Variants in CCDC149 observed in about 807,000 individuals in gnomAD.
CCDC149 encodes the protein coiled-coil domain-containing protein 149.
CCDC149 carries 45 observed loss-of-function variants against 59.9 expected under a neutral mutation model. The ratio of observed to expected loss-of-function variants is 0.75; its 90% CI spans 0.59 to 0.96. The LOEUF is 0.96. CCDC149 is among the 40% of genes least tolerant of loss of function. The pLI, the probability that CCDC149 is intolerant of heterozygous loss-of-function variation, is 0.00. For synonymous variants in CCDC149, 245 were observed against 260.6 expected, an observed-to-expected ratio of 0.94 and a Z score of 0.58; for missense variants, 584 against 664.7, an observed-to-expected ratio of 0.88 and a Z score of 1.33.
In CCDC149 at chr4:24,808,314, C is replaced by T. The variant is rs922876369; in HGVS notation, c.*75G>A. 1.1e-5 allele frequency: 15 copies of T among 1,322,490 alleles called. No individual in the cohort carries two copies. Among genetic ancestry groups the T allele is most frequent in the Middle Eastern group, 1.9e-4 (1 of 5,220 alleles). The allele number at this position is 1,322,490 out of a possible 1,614,324, so 81.9% of individuals were successfully genotyped here. ...GTATTTCAGGAGAAGGCGACGTGAGCGCACCATTCCGATGCTTCATTCTTG... is the reference window on the plus strand; with the variant it reads ...GTATTTCAGGAGAAGGCGACGTGAGTGCACCATTCCGATGCTTCATTCTTG... On this transcript the variant is annotated 3_prime_UTR_variant, in exon 13 of 13. Transcript: ENST00000635206.
intron 4 of CCDC149, among the ~76,000 whole-genome samples, chr4:24,846,711 C>T (rs1717310284): frequency 6.6e-6 from 1 of 152,140 alleles, no homozygotes; most frequent in Non-Finnish European, 1.5e-5. Context: ...GCTGGTATAA[C>T]ATAAAGCTCA....
chr4:24,923,637 G>T (rs1223525303), intron 1 of CCDC149, among the ~76,000 whole-genome samples: 1 of 152,158 alleles, frequency 6.6e-6, no homozygotes, highest in Non-Finnish European at 1.5e-5. Context: ...AAAAGAACTT[G>T]AATGAAGATT....
intron 1 of CCDC149, among the ~76,000 whole-genome samples, chr4:24,891,358 T>A (rs1013297115): frequency 1.3e-5 from 2 of 152,202 alleles, no homozygotes. Context: ...ATAACTGTGA[T>A]GGGCTGATTA....
At chr4:24,974,236 G>A (rs1428889115) in intron 1 of CCDC149, among the ~76,000 whole-genome samples, 2 of 152,294 alleles carry the variant, frequency 1.3e-5, no homozygotes. Flanking sequence ...AGACTCACAA[G>A]CTTAGGAGAG....
At chr4:24,828,263 C>T (rs1299067405) in intron 9 of CCDC149, 8 of 109,254 alleles carry the variant, frequency 7.3e-5, no homozygotes, top group Non-Finnish European at 1.5e-4. Context: ...AAATGAATAC[C>T]AGTTACCGTT....
intron 4 of CCDC149, among the ~76,000 whole-genome samples, chr4:24,842,396 C>A (rs1452240806): frequency 1.3e-5 from 2 of 152,092 alleles, no homozygotes; most frequent in Non-Finnish European, 2.9e-5. Flanking sequence ...GTAGTGCAGG[C>A]AAATGATGTT....
chr4:24,961,200 G>A (rs923968579), intron 1 of CCDC149, among the ~76,000 whole-genome samples: 26 of 152,312 alleles, frequency 1.7e-4, no homozygotes, highest in African/African-American at 5.8e-4. Flanking sequence ...GATAGCCTAG[G>A]ATCACAGGAC....
Position 24,912,857 on chromosome 4 carries a change from C to T in CCDC149, c.23G>A (p.Gly8Asp). 7.3e-7 allele frequency: 1 copy of T among 1,377,658 alleles called. No homozygotes were observed. The highest frequency in any genetic ancestry group is 1.4e-5 in the South Asian group (1 of 70,238). The allele number at this position is 1,377,658 out of a possible 1,614,324, so 85.3% of individuals were successfully genotyped here. Residue 8 changes from glycine to aspartate, a missense_variant, in exon 1 of 13, where the codon GGC (glycine) becomes GAC (aspartate). Transcript: ENST00000635206. ...CTGCCAGTCGCTCTCAGTCCGGTCG[C>T]CGTTCATGGCCTCCTCCTCCATGCG...
At chr4:24,908,576 T>C (rs975068453) in intron 1 of CCDC149, among the ~76,000 whole-genome samples, 1 of 150,378 alleles carries the variant, frequency 6.6e-6, no homozygotes, top group Non-Finnish European at 1.5e-5. Flanking sequence ...GGCACGTGCC[T>C]GTAACTCCAG....
chr4:24,898,164 G>T (rs1044949947), intron 1 of CCDC149, among the ~76,000 whole-genome samples: 3 of 152,162 alleles, frequency 2.0e-5, no homozygotes, highest in Non-Finnish European at 4.4e-5. Flanking sequence ...TGAAGCCCCG[G>T]GGAAGGGTTT....
chr4:24,970,668 G>A (rs780786075), intron 1 of CCDC149, among the ~76,000 whole-genome samples: 11 of 152,112 alleles, frequency 7.2e-5, no homozygotes, highest in Non-Finnish European at 1.3e-4. Flanking sequence ...GTGCCCCCTG[G>A]CAGTCTATGG....
intron 9 of CCDC149, 29 bp downstream of exon 9, chr4:24,831,476 AC>A: frequency 6.2e-7 from 1 of 1,608,820 alleles, no homozygotes. Flanking sequence ...CTTCGCGCCC[AC>A]CCCCCAACAC....
At chr4:24,857,055 T>C (rs1417695334) in intron 3 of CCDC149, among the ~76,000 whole-genome samples, 1 of 152,072 alleles carries the variant, frequency 6.6e-6, no homozygotes, top group East Asian at 1.9e-4. Flanking sequence ...TCCAAAGAAA[T>C]GTCTGTAAGG....
At chr4:24,821,341 G>A (rs1294425854) in intron 10 of CCDC149, among the ~76,000 whole-genome samples, 5 of 152,120 alleles carry the variant, frequency 3.3e-5, no homozygotes, top group South Asian at 4.1e-4. Context: ...TCAATTTGCC[G>A]AACTGTGTTG....
intron 1 of CCDC149, among the ~76,000 whole-genome samples, chr4:24,932,143 T>G (rs58994158): frequency 0.41 from 62,711 of 151,852 alleles, 15,322 homozygotes; most frequent in Non-Finnish European, 0.54. Context: ...TTTAACTTCC[T>G]TGTTAGCAAA....
chr4:24,905,043 A>G (rs1175652739), intron 1 of CCDC149, among the ~76,000 whole-genome samples: 1 of 152,052 alleles, frequency 6.6e-6, no homozygotes, highest in Non-Finnish European at 1.5e-5. Flanking sequence ...CTGGGATTAC[A>G]GGTGCACACC....
intron 2 of CCDC149, among the ~76,000 whole-genome samples, chr4:24,874,250 T>TTTTTTGTTG: frequency 1.2e-5 from 1 of 82,602 alleles, no homozygotes; most frequent in African/African-American, 5.8e-5. Context: ...ATTTGTTTTT[T>TTTTTTGTTG]TTTTTTTTTG....
intron 5 of CCDC149, 102 bp downstream of exon 5, chr4:24,838,054 G>T: frequency 1.1e-6 from 1 of 914,708 alleles, no homozygotes. Flanking sequence ...TGCATCCCAG[G>T]CACCCCATAC....
At chr4:24,956,558 A>T (rs1723472023) in intron 1 of CCDC149, among the ~76,000 whole-genome samples, 1 of 152,130 alleles carries the variant, frequency 6.6e-6, no homozygotes, top group Non-Finnish European at 1.5e-5. Flanking sequence ...CATGCCTATT[A>T]TATCGATGAT....
Sources: allele counts gnomAD v4.1 joint callset (sites outside exome capture counted in the v4.1 genomes callset), GRCh38; gene constraint gnomAD v4.1.1; transcripts MANE v1.5; gene names NCBI Gene and HGNC (gene_info 2026-07-23, HGNC 2026-07-21).